The following MEGF11 variants were observed in gnomAD, a reference collection of about 807,000 sequenced individuals.
The protein encoded by MEGF11 is multiple epidermal growth factor-like domains protein 11.
MEGF11 carries 126 observed loss-of-function variants against 146.6 expected under a neutral mutation model. The ratio of observed to expected loss-of-function variants is 0.86; its 90% CI spans 0.74 to 1.00. The LOEUF (loss-of-function observed/expected upper bound fraction) is 1.00. Among genes scored for constraint, MEGF11 ranks in the 50% least tolerant of loss-of-function variants. The pLI is 0.00. For missense variants in MEGF11, 1,509 were observed against 1,521.2 expected, an observed-to-expected ratio of 0.99 and a Z score of 0.13; for synonymous variants, 532 against 583.4, an observed-to-expected ratio of 0.91 and a Z score of 1.27.
chr15:66,058,200 T>C (rs1485060377), intron 5 of MEGF11, among the ~76,000 whole-genome samples: 1 of 152,184 alleles, frequency 6.6e-6, no homozygotes, highest in Non-Finnish European at 1.5e-5. Context: ...CTGACAGCTC[T>C]TGATAAAGCA....
At chr15:66,069,598 C>T (rs760462739) in intron 5 of MEGF11, among the ~76,000 whole-genome samples, 1 of 152,188 alleles carries the variant, frequency 6.6e-6, no homozygotes, top group Non-Finnish European at 1.5e-5. Context: ...ATCCTGCCTC[C>T]AGAACCTGTG....
intron 5 of MEGF11, among the ~76,000 whole-genome samples, chr15:66,013,036 T>C (rs1383491382): frequency 3.3e-5 from 5 of 152,264 alleles, no homozygotes; most frequent in African/African-American, 1.2e-4. Flanking sequence ...TTTCGCCTTG[T>C]CATTTTACAG....
At chr15:66,101,788 G>A (rs1313535434) in intron 4 of MEGF11, among the ~76,000 whole-genome samples, 1 of 152,122 alleles carries the variant, frequency 6.6e-6, no homozygotes, top group Non-Finnish European at 1.5e-5. Flanking sequence ...ATAAGACCAG[G>A]GCAATGCTGA....
intron 4 of MEGF11, among the ~76,000 whole-genome samples, chr15:66,113,329 A>G (rs1254075512): frequency 6.6e-6 from 1 of 152,112 alleles, no homozygotes; most frequent in Non-Finnish European, 1.5e-5. Context: ...CCACTTCTGG[A>G]TTTCCTGAAA....
chr15:66,058,224 A>G (rs1597038308), intron 5 of MEGF11, among the ~76,000 whole-genome samples: 2 of 152,290 alleles, frequency 1.3e-5, no homozygotes, highest in Non-Finnish European at 2.9e-5. Flanking sequence ...CCTCTCAGCC[A>G]TATAACAGGG....
At chr15:66,215,940 C>T (rs2091571393) in intron 1 of MEGF11, among the ~76,000 whole-genome samples, 1 of 152,114 alleles carries the variant, frequency 6.6e-6, no homozygotes, top group Admixed American at 6.5e-5. Context: ...CATTCTCAAC[C>T]GAGGCTCTCC....
chr15:66,101,282 G>T (rs1445838145), intron 4 of MEGF11, among the ~76,000 whole-genome samples: 1 of 152,098 alleles, frequency 6.6e-6, no homozygotes, highest in African/African-American at 2.4e-5. Flanking sequence ...CCGGACGGCT[G>T]CCCTCTCATC....
intron 1 of MEGF11, among the ~76,000 whole-genome samples, chr15:66,133,156 G>A (rs142675234): frequency 2.1e-3 from 321 of 152,304 alleles, no homozygotes; most frequent in African/African-American, 7.3e-3. Flanking sequence ...ACACCAATCT[G>A]GTGGCATCAG....
chr15:66,186,151 G>A (rs1010270756), intron 1 of MEGF11, among the ~76,000 whole-genome samples: 1 of 152,172 alleles, frequency 6.6e-6, no homozygotes, highest in East Asian at 1.9e-4. Flanking sequence ...TAATTTTCAG[G>A]CTTCTCTATC....
At chr15:65,912,322 C>T (rs765917280) in intron 20 of MEGF11, 122 bp from the exon 21 acceptor site, 1 of 509,494 alleles carries the variant, frequency 2.0e-6, no homozygotes, top group Non-Finnish European at 3.0e-6. Context: ...AGGCAAGTAC[C>T]CCATCCCCCA....
intron 4 of MEGF11, among the ~76,000 whole-genome samples, chr15:66,112,075 T>TA (rs10715805): frequency 0.19 from 24,609 of 130,986 alleles, 2,223 homozygotes; most frequent in East Asian, 0.32. Context: ...GGCTAATAGT[T>TA]AAAAAAAAAA....
intron 5 of MEGF11, among the ~76,000 whole-genome samples, chr15:66,013,321 T>C (rs2082769675): frequency 6.6e-6 from 1 of 152,198 alleles, no homozygotes; most frequent in Non-Finnish European, 1.5e-5. Context: ...TGTGCTTGCT[T>C]TGCCATTATC....
At chr15:65,963,832 G>A (rs1451289156) in intron 9 of MEGF11, among the ~76,000 whole-genome samples, 2 of 152,192 alleles carry the variant, frequency 1.3e-5, no homozygotes, top group Admixed American at 6.5e-5. Flanking sequence ...AACACTTGCC[G>A]ACATGCCTCT....
intron 1 of MEGF11, among the ~76,000 whole-genome samples, chr15:66,227,553 T>C (rs1413463139): frequency 6.6e-6 from 1 of 152,124 alleles, no homozygotes; most frequent in East Asian, 1.9e-4. Flanking sequence ...AGGAATTCTT[T>C]CCACTTCTCT....
In MEGF11 at chr15:66,210,819, C is replaced by A. The variant is rs573043878; in HGVS notation, c.-9+42786G>T. On this transcript the variant is annotated intron_variant, in intron 1 of 25. Transcript: ENST00000395614. ...GAATGAAAGGCAAACATGGCAACATCTCTGCCTTCTAGGTAATTCCCAGCA... is the reference window on the plus strand; with the variant it reads ...GAATGAAAGGCAAACATGGCAACATATCTGCCTTCTAGGTAATTCCCAGCA... Among the ~76,000 whole-genome samples the A allele has an allele frequency of 1.2e-4, 19 of 152,338 alleles. 2 individuals are homozygous for A. In the South Asian group the frequency reaches 3.9e-3, roughly 32 times the overall value.
intron 1 of MEGF11, among the ~76,000 whole-genome samples, chr15:66,191,691 C>T (rs2090883492): frequency 6.6e-6 from 1 of 152,104 alleles, no homozygotes. Context: ...TTCAGATGCC[C>T]CCTTGAGGAG....
At chr15:66,252,310 G>A (rs1003893518) in intron 1 of MEGF11, among the ~76,000 whole-genome samples, 1 of 150,402 alleles carries the variant, frequency 6.6e-6, no homozygotes, top group Non-Finnish European at 1.5e-5. Context: ...GCCGGGGCGC[G>A]AGGACCCCTG....
chr15:66,194,644 A>G (rs1351168060), intron 1 of MEGF11, among the ~76,000 whole-genome samples: 1 of 134,874 alleles, frequency 7.4e-6, no homozygotes, highest in Non-Finnish European at 1.6e-5. Context: ...GAATGATACA[A>G]TGGACTTTGG....
At chr15:66,116,234 T>C (rs1219576232) in intron 4 of MEGF11, among the ~76,000 whole-genome samples, 1 of 152,162 alleles carries the variant, frequency 6.6e-6, no homozygotes, top group Non-Finnish European at 1.5e-5. Context: ...CTGTCTAGCC[T>C]TTTTCACATC....
Sources: gnomAD v4.1 joint callset for allele counts (sites outside exome capture counted in the v4.1 genomes callset) on GRCh38, gnomAD v4.1.1 for gene constraint, MANE v1.5 for transcripts, NCBI Gene and HGNC (gene_info 2026-07-23, HGNC 2026-07-21) for gene names.